CACNA2D3: variants seen among roughly 807,000 people sequenced by gnomAD.
CACNA2D3 encodes the protein calcium voltage-gated channel auxiliary subunit alpha2delta 3, also known as voltage-dependent calcium channel subunit alpha-2/delta-3.
A neutral mutation model predicts 160.6 loss-of-function variants in CACNA2D3; 60 were observed. The observed-to-expected ratio is 0.37, with a 90% CI of 0.30 to 0.46. The LOEUF (loss-of-function observed/expected upper bound fraction) is 0.46. Among genes scored for constraint, CACNA2D3 ranks in the 20% least tolerant of loss-of-function variants. CACNA2D3 has a pLI of 1.00. For missense variants in CACNA2D3, 1,205 were observed against 1,365.0 expected (o/e 0.88, Z 1.85); for synonymous variants, 558 against 492.9 (o/e 1.13, Z -1.75).
At chr3:54,522,333 G>A (rs983523376) in intron 5 of CACNA2D3, among the ~76,000 whole-genome samples, 2 of 152,012 alleles carry the variant, frequency 1.3e-5, no homozygotes, top group African/African-American at 4.8e-5. Flanking sequence ...TTGTTGGGTT[G>A]TTATGGCAAG....
chr3:54,279,715 A>G (rs1702826729), intron 2 of CACNA2D3, among the ~76,000 whole-genome samples: 1 of 151,928 alleles, frequency 6.6e-6, no homozygotes, highest in African/African-American at 2.4e-5. Context: ...AATAATTGAA[A>G]CCATTTCGAG....
chr3:54,701,313 T>C (rs1700763240), intron 11 of CACNA2D3, among the ~76,000 whole-genome samples: 1 of 152,180 alleles, frequency 6.6e-6, no homozygotes, highest in African/African-American at 2.4e-5. Flanking sequence ...CTAGTGATCT[T>C]AATGAAAGTA....
At chr3:54,783,211 C>G (rs1475493429) in intron 13 of CACNA2D3, among the ~76,000 whole-genome samples, 1 of 152,044 alleles carries the variant, frequency 6.6e-6, no homozygotes, top group Non-Finnish European at 1.5e-5. Context: ...TTTAGAATGC[C>G]TAATGGGAGA....
At chr3:54,691,174 C>T (rs925172287) in intron 11 of CACNA2D3, among the ~76,000 whole-genome samples, 1 of 152,140 alleles carries the variant, frequency 6.6e-6, no homozygotes, top group African/African-American at 2.4e-5. Context: ...TGATGGCTCA[C>T]CCCTGTGTGA....
At chr3:54,618,375 GCA>G (rs56788185) in intron 9 of CACNA2D3, among the ~76,000 whole-genome samples, 3,047 of 115,358 alleles carry the variant, frequency 0.026, 72 homozygotes, top group South Asian at 0.059. Flanking sequence ...ATATATATAT[GCA>G]CACACACACA....
chr3:54,425,970 T>G (rs185024153), intron 4 of CACNA2D3, among the ~76,000 whole-genome samples: 6 of 152,342 alleles, frequency 3.9e-5, no homozygotes, highest in South Asian at 4.1e-4. Context: ...ACTCCTAGCC[T>G]CAGAGACAGT....
At chr3:54,796,452 G>A (rs191674033) in intron 13 of CACNA2D3, among the ~76,000 whole-genome samples, 1 of 152,166 alleles carries the variant, frequency 6.6e-6, no homozygotes, top group East Asian at 1.9e-4. Flanking sequence ...TGTGCACAAA[G>A]AGAACTAATA....
chr3:54,936,449 G>C (rs1179095913), intron 27 of CACNA2D3, among the ~76,000 whole-genome samples: 1 of 152,114 alleles, frequency 6.6e-6, no homozygotes, highest in Non-Finnish European at 1.5e-5. Flanking sequence ...ACAAACAAAG[G>C]AAAGTTGATT....
At chr3:54,184,216 T>C (rs980743999) in intron 2 of CACNA2D3, among the ~76,000 whole-genome samples, 3 of 152,208 alleles carry the variant, frequency 2.0e-5, no homozygotes, top group African/African-American at 4.8e-5. Context: ...CTAGAGGTTC[T>C]GTCGGAACAT....
At chr3:54,336,618 T>C (rs1704386104) in intron 3 of CACNA2D3, among the ~76,000 whole-genome samples, 1 of 152,178 alleles carries the variant, frequency 6.6e-6, no homozygotes, top group Admixed American at 6.5e-5. Context: ...ATATGTTATG[T>C]ACGTTGATTC....
At chr3:54,719,127 T>C (rs1701120052) in intron 11 of CACNA2D3, among the ~76,000 whole-genome samples, 1 of 151,256 alleles carries the variant, frequency 6.6e-6, no homozygotes, top group African/African-American at 2.4e-5. Flanking sequence ...TCTATATACC[T>C]TTTATTTCTT....
In CACNA2D3 at chr3:55,074,087, C is replaced by T. The variant is rs746870480; in HGVS notation, c.3184-27C>T. 6.1e-5 allele frequency: 97 copies of T among 1,596,584 alleles called. 1 individual carries two copies. The Middle Eastern group carries it at 3.2e-3, about 52-fold the overall frequency. Reference sequence around the variant, plus strand: ...AAGGTGTCCTGGAGTCTATTTCCGTCTAACCAACCCCTGCCTTTCCCCATA... The same window carrying T: ...AAGGTGTCCTGGAGTCTATTTCCGTTTAACCAACCCCTGCCTTTCCCCATA... On this transcript the variant is annotated intron_variant, in intron 37 of 37. Transcript: ENST00000474759.
intron 9 of CACNA2D3, among the ~76,000 whole-genome samples, chr3:54,619,293 A>C (rs888330398): frequency 6.6e-6 from 1 of 152,194 alleles, no homozygotes; most frequent in South Asian, 2.1e-4. Flanking sequence ...CCTCCCCCTC[A>C]GCAGTTACTT....
At chr3:54,703,246 A>G (rs1252642470) in intron 11 of CACNA2D3, among the ~76,000 whole-genome samples, 1 of 152,210 alleles carries the variant, frequency 6.6e-6, no homozygotes, top group Admixed American at 6.5e-5. Context: ...GTTGGAAGAA[A>G]AAAAAAGGAT....
intron 4 of CACNA2D3, among the ~76,000 whole-genome samples, chr3:54,498,934 T>G (rs1701245516): frequency 6.6e-6 from 1 of 152,116 alleles, no homozygotes; most frequent in Non-Finnish European, 1.5e-5. Flanking sequence ...ATTTTTCATA[T>G]CAATATCATA....
intron 2 of CACNA2D3, among the ~76,000 whole-genome samples, chr3:54,210,891 G>C (rs903881727): frequency 6.6e-6 from 1 of 152,142 alleles, no homozygotes; most frequent in Non-Finnish European, 1.5e-5. Flanking sequence ...CTGAGAAGGG[G>C]GACTGGGTAC....
intron 4 of CACNA2D3, among the ~76,000 whole-genome samples, chr3:54,475,380 T>C (rs1165836275): frequency 6.6e-6 from 1 of 152,214 alleles, no homozygotes; most frequent in South Asian, 2.1e-4. Flanking sequence ...GCAAATGGCA[T>C]GGAAAGTCTC....
intron 3 of CACNA2D3, among the ~76,000 whole-genome samples, chr3:54,350,998 T>TTG (rs1698553667): frequency 8.1e-6 from 1 of 123,752 alleles, no homozygotes; most frequent in Non-Finnish European, 1.7e-5. Flanking sequence ...TTTTTTTTTT[T>TTG]TTTTTTTTGA....
intron 13 of CACNA2D3, among the ~76,000 whole-genome samples, chr3:54,771,670 T>G (rs1030083686): frequency 2.6e-5 from 4 of 152,208 alleles, no homozygotes; most frequent in African/African-American, 9.7e-5. Flanking sequence ...ATGCTTCACT[T>G]TCCCTTAAAA....
Sources: gnomAD v4.1 joint callset for allele counts (sites outside exome capture counted in the v4.1 genomes callset) on GRCh38, gnomAD v4.1.1 for gene constraint, MANE v1.5 for transcripts, NCBI Gene and HGNC (gene_info 2026-07-23, HGNC 2026-07-21) for gene names.